Variants in GLI3 observed in about 807,000 individuals in gnomAD.
GLI3 encodes transcription activator GLI3.
In GLI3, 20 loss-of-function variants were observed where a neutral mutation model predicts 100.8. The ratio of observed to expected loss-of-function variants is 0.20; its 90% confidence interval spans 0.14 to 0.29. The LOEUF (loss-of-function observed/expected upper bound fraction) is 0.29. Ranked by LOEUF, GLI3 falls within the 10% of genes least tolerant of loss-of-function variation. The probability of loss-of-function intolerance (pLI) is 1.00; values close to 1 mark genes in which losing one functional copy is unlikely to be tolerated. For synonymous variants in GLI3, 938 were observed against 860.5 expected (o/e 1.09, Z -1.58); for missense variants, 2,040 against 2,128.5 (o/e 0.96, Z 0.82).
In GLI3 at chr7:41,966,248, G is replaced by A. The variant is rs1227441848; in HGVS notation, c.2825C>T (p.Pro942Leu). The A allele has an allele frequency of 5.0e-6, 8 of 1,608,266 alleles. No individual in the cohort carries two copies. Among genetic ancestry groups the A allele is most frequent in the Non-Finnish European group, 6.8e-6 (8 of 1,179,100 alleles). ...KYAAATGGPPPTPLPNMERMS... is the reference protein window; with the variant it reads ...KYAAATGGPPLTPLPNMERMS... ...CCTCTCCATGTTGGGCAGGGGCGTC[G>A]GCGGCGGCCCTCCTGTGGCAGCCGC... Residue 942 changes from proline (P) to leucine (L), a missense_variant, in exon 15 of 15, where the codon CCG (proline) becomes CTG (leucine). Transcript: ENST00000395925. This position sits in a 1 kb window ranked among gnomAD's most constrained non-coding sequence, Gnocchi z 5.8.
chr7:42,174,547 G>T (rs890815292), intron 2 of GLI3, among the ~76,000 whole-genome samples: 2 of 152,172 alleles, frequency 1.3e-5, no homozygotes, highest in Non-Finnish European at 2.9e-5. Flanking sequence ...GGTTAGAGTT[G>T]AGCAAATCCT....
At chr7:42,111,889 G>A (rs77209588) in intron 3 of GLI3, among the ~76,000 whole-genome samples, 1,991 of 152,208 alleles carry the variant, frequency 0.013, 48 homozygotes, top group African/African-American at 0.046. Flanking sequence ...CAGTGCACCC[G>A]GTATGGGGAA....
chr7:42,114,705 G>T (rs1005795306), intron 3 of GLI3, among the ~76,000 whole-genome samples: 2 of 151,882 alleles, frequency 1.3e-5, no homozygotes, highest in African/African-American at 2.4e-5. Flanking sequence ...TTGTTTGTTT[G>T]TTTGTTTGTT....
chr7:42,017,589 G>T (rs1023775570), intron 10 of GLI3, among the ~76,000 whole-genome samples: 3 of 152,138 alleles, frequency 2.0e-5, no homozygotes, highest in African/African-American at 7.2e-5. Context: ...GGGAGAATCT[G>T]TTTACCATCC....
chr7:42,107,971 G>C (rs1562733921), intron 3 of GLI3, among the ~76,000 whole-genome samples: 1 of 152,148 alleles, frequency 6.6e-6, no homozygotes. Flanking sequence ...AGAATCCAAA[G>C]GGGTTTTATG....
chr7:42,048,226 C>T (rs1260172505), intron 5 of GLI3, among the ~76,000 whole-genome samples: 2 of 152,174 alleles, frequency 1.3e-5, no homozygotes, highest in African/African-American at 4.8e-5. Flanking sequence ...AATTCCACCT[C>T]TGCCCCTTAC....
At chr7:42,062,795 TA>T (rs748142332) in intron 4 of GLI3, among the ~76,000 whole-genome samples, 6 of 152,076 alleles carry the variant, frequency 3.9e-5, no homozygotes, top group Non-Finnish European at 7.4e-5. Flanking sequence ...CAAGTACAGC[TA>T]AATCCAGCCT....
At position 42,033,314 on chromosome 7, in the gene GLI3, T is replaced by G. The variant is rs1789349065; in HGVS notation, c.1028+6724A>C. On this transcript the variant is annotated intron_variant, in intron 7 of 14. Transcript: ENST00000395925. The stretch of plus-strand genomic sequence containing the variant: ...AAACACTTCTTCCAATTGCTTTGGT[T>G]GTTAAATTTCATTCAGGTTTGAATT... 2.6e-5 allele frequency among the ~76,000 whole-genome samples: 4 copies of G among 152,204 alleles called. No individual in the cohort carries two copies. In the South Asian group the frequency reaches 8.3e-4, roughly 31 times the overall value.
chr7:42,247,393 C>T (rs779138027), intron 1 of GLI3, among the ~76,000 whole-genome samples: 3 of 152,058 alleles, frequency 2.0e-5, no homozygotes, highest in Admixed American at 6.5e-5. Flanking sequence ...TCCAGGCTAC[C>T]TGATGATTAA....
chr7:41,990,284 C>T (rs1787947113), intron 10 of GLI3, among the ~76,000 whole-genome samples: 1 of 152,096 alleles, frequency 6.6e-6, no homozygotes, highest in African/African-American at 2.4e-5. Context: ...AGAACATTAG[C>T]CTTTATTTCC....
At chr7:41,999,211 C>T (rs1025268640) in intron 10 of GLI3, among the ~76,000 whole-genome samples, 5 of 152,096 alleles carry the variant, frequency 3.3e-5, no homozygotes, top group African/African-American at 1.2e-4. Context: ...TCTGGATTAA[C>T]ATGGGGGAAA....
chr7:42,043,776 C>T (rs554069529), intron 6 of GLI3, among the ~76,000 whole-genome samples: 1 of 152,324 alleles, frequency 6.6e-6, no homozygotes, highest in South Asian at 2.1e-4. Flanking sequence ...AACACATTCT[C>T]ATCAAATAGG....
chr7:42,207,127 T>C (rs556051972), intron 2 of GLI3, among the ~76,000 whole-genome samples: 5 of 152,182 alleles, frequency 3.3e-5, no homozygotes, highest in Non-Finnish European at 5.9e-5. Context: ...CTAAAGCTAA[T>C]ATATGCATAC....
chr7:41,992,789 T>G (rs1247043123), intron 10 of GLI3, among the ~76,000 whole-genome samples: 4 of 152,104 alleles, frequency 2.6e-5, no homozygotes, highest in Non-Finnish European at 4.4e-5. Flanking sequence ...AAGGAAGTAT[T>G]AAGTTCTTTG....
At chr7:42,158,214 C>T (rs1023927647) in intron 2 of GLI3, among the ~76,000 whole-genome samples, 2 of 152,188 alleles carry the variant, frequency 1.3e-5, no homozygotes, top group Non-Finnish European at 1.5e-5. Flanking sequence ...ACTTACTAAA[C>T]GCCAGGCCAG....
At chr7:42,148,156 C>CACAT in intron 3 of GLI3, 70 bp downstream of exon 3, 1 of 1,485,640 alleles carries the variant, frequency 6.7e-7, no homozygotes, top group South Asian at 1.3e-5. Context: ...CACACACACA[C>CACAT]ACACACACAC....
At chr7:42,181,447 CA>C (rs531029514) in intron 2 of GLI3, among the ~76,000 whole-genome samples, 3 of 150,600 alleles carry the variant, frequency 2.0e-5, no homozygotes, top group Non-Finnish European at 3.0e-5. Context: ...TAAAAAAATC[CA>C]AAAAAAAATT....
At chr7:42,205,886 A>C (rs1344145296) in intron 2 of GLI3, among the ~76,000 whole-genome samples, 1 of 152,196 alleles carries the variant, frequency 6.6e-6, no homozygotes, top group African/African-American at 2.4e-5. Context: ...CCTTGTGAGA[A>C]TGCCACAGAA....
chr7:42,162,728 G>A lies in GLI3; in HGVS notation c.125-14260C>T, dbSNP rs573151069. Among the ~76,000 whole-genome samples the A allele has an allele frequency of 5.3e-5, 8 of 152,198 alleles. No individual in the cohort carries two copies. In the South Asian group the frequency reaches 8.3e-4, roughly 16 times the overall value. ...TCTTAGTATGGACCAGCTAGAAAAC[G>A]AAACCACCCCTCCTATAAAATGAAT... is the stretch of plus-strand genomic sequence containing the variant. On this transcript the variant is annotated intron_variant, in intron 2 of 14. Transcript: ENST00000395925.
Sources: allele counts gnomAD v4.1 joint callset (sites outside exome capture counted in the v4.1 genomes callset), GRCh38; gene constraint gnomAD v4.1.1; non-coding constraint Gnocchi (gnomAD v3.1); transcripts MANE v1.5; gene names NCBI Gene and HGNC (gene_info 2026-07-23, HGNC 2026-07-21).